TTC28: variants seen among roughly 807,000 people sequenced by gnomAD.
The protein encoded by TTC28 is tetratricopeptide repeat domain 28, also known as tetratricopeptide repeat protein 28.
In TTC28, 61 loss-of-function variants were observed where a neutral mutation model predicts 198.0. The observed-to-expected ratio is 0.31, with a 90% CI of 0.25 to 0.38. TTC28 has a LOEUF of 0.38. Ranked by LOEUF, TTC28 falls within the 10% of genes least tolerant of loss-of-function variation. TTC28 has a pLI of 1.00. For missense variants in TTC28, 2,678 were observed against 3,164.0 expected (o/e 0.85, Z 3.69); for synonymous variants, 1,171 against 1,297.8 (o/e 0.90, Z 2.10).
chr22:28,216,636 A>C, intron 5 of TTC28, among the ~76,000 whole-genome samples: 1 of 152,244 alleles, frequency 6.6e-6, no homozygotes, highest in Non-Finnish European at 1.5e-5. Context: ...GATATTGACA[A>C]CATTTACAAA....
chr22:28,151,988 G>C (rs1029363567), intron 6 of TTC28, among the ~76,000 whole-genome samples: 4 of 152,162 alleles, frequency 2.6e-5, no homozygotes, highest in Admixed American at 2.6e-4. Context: ...CAATAAATGT[G>C]TGGGGCTCAG....
chr22:28,068,361 C>T (rs1940840517), intron 12 of TTC28, among the ~76,000 whole-genome samples: 3 of 152,132 alleles, frequency 2.0e-5, no homozygotes, highest in Non-Finnish European at 4.4e-5. Flanking sequence ...TCCTGCCTCT[C>T]TCAAAGGACT....
rs1601592895 is a variant in TTC28 at position 28,584,414 on chromosome 22, G to A, written c.381+45138C>T. 2.0e-5 allele frequency among the ~76,000 whole-genome samples: 3 copies of A among 152,070 alleles called. No homozygotes were observed. In the East Asian group the frequency reaches 5.8e-4, roughly 29 times the overall value. On this transcript the variant is annotated intron_variant, in intron 2 of 22. Coordinates refer to ENST00000397906, the MANE Select transcript of TTC28 (RefSeq NM_001145418.2). The stretch of plus-strand genomic sequence containing the variant: ...ACCTTTACTTCCTTTGTCCAACCTA[G>A]CTAAATCTGGTGTAATTCTAGCCTG...
intron 6 of TTC28, among the ~76,000 whole-genome samples, chr22:28,144,080 T>C (rs1437287319): frequency 1.3e-5 from 2 of 152,250 alleles, no homozygotes; most frequent in Admixed American, 6.5e-5. Flanking sequence ...CACTATTTCC[T>C]GAGCCTGTAC....
intron 14 of TTC28, 21 bp from the exon 15 acceptor site, chr22:28,001,574 G>A (rs756179160): frequency 2.6e-6 from 4 of 1,541,456 alleles, no homozygotes; most frequent in African/African-American, 2.7e-5. Context: ...AGCACGGAGA[G>A]GCTGACATGG....
At chr22:28,371,509 CAAAAA>C (rs1229801209) in intron 2 of TTC28, among the ~76,000 whole-genome samples, 1 of 6,104 alleles carries the variant, frequency 1.6e-4, no homozygotes, top group African/African-American at 5.2e-4. Context: ...GACCCTGTCT[CAAAAA>C]AAAAAAAAAA....
chr22:28,536,611 G>A lies in TTC28; in HGVS notation c.381+92941C>T, dbSNP rs1051756801. ...TGCACTCCAGCCTGGGCGACAGAGC[G>A]AGACTCCGTCTCAAAAAAAAATAAA... On this transcript the variant is annotated intron_variant, in intron 2 of 22. Transcript: ENST00000397906. Among the ~76,000 whole-genome samples, 10 of 152,018 alleles carry A rather than the reference G, an allele frequency of 6.6e-5. 1 individual carries two copies. The highest frequency in any genetic ancestry group is 1.4e-4 in the African/African-American group (6 of 41,488).
At chr22:28,028,363 TGGAG>T (rs1938921381) in intron 13 of TTC28, among the ~76,000 whole-genome samples, 1 of 152,232 alleles carries the variant, frequency 6.6e-6, no homozygotes, top group Non-Finnish European at 1.5e-5. Context: ...TTGTGCTCAC[TGGAG>T]CTATTGCAGG....
chr22:28,221,343 G>A (rs906773943), intron 5 of TTC28, among the ~76,000 whole-genome samples: 3 of 152,230 alleles, frequency 2.0e-5, no homozygotes, highest in Admixed American at 6.5e-5. Flanking sequence ...ACATACCACA[G>A]TTTAGGGTAG....
intron 2 of TTC28, among the ~76,000 whole-genome samples, chr22:28,338,265 C>T (rs952645611): frequency 2.8e-4 from 43 of 152,122 alleles, no homozygotes; most frequent in Non-Finnish European, 4.9e-4. Flanking sequence ...CTCTGGCTGC[C>T]CTTAACATTT....
At chr22:28,257,585 G>A (rs925906713) in intron 5 of TTC28, among the ~76,000 whole-genome samples, 62 of 151,566 alleles carry the variant, frequency 4.1e-4, no homozygotes, top group Admixed American at 4.1e-3. Flanking sequence ...GTAGGTTGGT[G>A]GTTATCTGAT....
chr22:28,634,397 C>T (rs1015364079), intron 1 of TTC28, among the ~76,000 whole-genome samples: 2 of 151,294 alleles, frequency 1.3e-5, no homozygotes, highest in African/African-American at 4.9e-5. Context: ...GTAGTCTCAG[C>T]TACTCAGGAG....
intron 2 of TTC28, among the ~76,000 whole-genome samples, chr22:28,470,190 T>C (rs2048079979): frequency 6.6e-6 from 1 of 152,186 alleles, no homozygotes; most frequent in Non-Finnish European, 1.5e-5. Context: ...CCATTAACTA[T>C]GTGGTAATTT....
At chr22:28,151,579 T>C (rs1196084331) in intron 6 of TTC28, among the ~76,000 whole-genome samples, 1 of 152,166 alleles carries the variant, frequency 6.6e-6, no homozygotes, top group African/African-American at 2.4e-5. Context: ...AGAGAATAAA[T>C]ATTATTAATA....
At chr22:28,491,943 A>C (rs1391233099) in intron 2 of TTC28, among the ~76,000 whole-genome samples, 1 of 152,216 alleles carries the variant, frequency 6.6e-6, no homozygotes, top group Non-Finnish European at 1.5e-5. Flanking sequence ...AAAAAGGATG[A>C]GTTCATGTCC....
intron 2 of TTC28, among the ~76,000 whole-genome samples, chr22:28,463,262 G>A (rs1191482357): frequency 6.6e-6 from 1 of 152,220 alleles, no homozygotes; most frequent in Non-Finnish European, 1.5e-5. Flanking sequence ...ACTTGGCAAT[G>A]CAGGCTCTTT....
intron 12 of TTC28, 65 bp downstream of exon 12, chr22:28,094,015 T>G: frequency 1.4e-6 from 2 of 1,438,028 alleles, no homozygotes; most frequent in Non-Finnish European, 9.2e-7. Flanking sequence ...TCAAATAGGA[T>G]GTTTACAAAA....
intron 2 of TTC28, among the ~76,000 whole-genome samples, chr22:28,315,649 T>A (rs2045339944): frequency 6.6e-6 from 1 of 152,198 alleles, no homozygotes; most frequent in Non-Finnish European, 1.5e-5. Flanking sequence ...AGTTCCTTTC[T>A]TTTTTAGTTC....
intron 1 of TTC28, among the ~76,000 whole-genome samples, chr22:28,645,094 G>A (rs2051436832): frequency 6.6e-6 from 1 of 151,634 alleles, no homozygotes; most frequent in Non-Finnish European, 1.5e-5. Context: ...GCAGTGAGCT[G>A]AGATTGCGCC....
Sources: gnomAD v4.1 joint callset for allele counts (sites outside exome capture counted in the v4.1 genomes callset) on GRCh38, gnomAD v4.1.1 for gene constraint, MANE v1.5 for transcripts, NCBI Gene and HGNC (gene_info 2026-07-23, HGNC 2026-07-21) for gene names.